Variants in ARL8B observed in about 807,000 individuals in gnomAD.
ARL8B encodes ARF like GTPase 8B.
ARL8B carries 9 observed loss-of-function variants against 30.6 expected under a neutral mutation model. The observed-to-expected ratio is 0.29, with a 90% confidence interval of 0.18 to 0.51. The LOEUF (loss-of-function observed/expected upper bound fraction) is 0.51, where lower values mean the gene tolerates loss of function less well. Ranked by LOEUF, ARL8B falls within the 20% of genes least tolerant of loss-of-function variation. The probability of loss-of-function intolerance (pLI) is 0.97; values close to 1 mark genes in which losing one functional copy is unlikely to be tolerated. For synonymous variants in ARL8B, 74 were observed against 76.0 expected (o/e 0.97, Z 0.14); for missense variants, 130 against 227.2 (o/e 0.57, Z 2.75).
At chr3:5,149,064 C>T (rs1355514334) in intron 1 of ARL8B, among the ~76,000 whole-genome samples, 1 of 152,228 alleles carries the variant, frequency 6.6e-6, no homozygotes, top group African/African-American at 2.4e-5. Flanking sequence ...CGCAGGAGAA[C>T]GGAACCGTGG....
chr3:5,162,028 A>G (rs1283131649), intron 1 of ARL8B, among the ~76,000 whole-genome samples: 2 of 152,224 alleles, frequency 1.3e-5, no homozygotes, highest in Admixed American at 6.5e-5. Flanking sequence ...GAACAGCAAT[A>G]GGTGTTTGTA....
At chr3:5,132,219 C>T (rs796207483) in intron 1 of ARL8B, among the ~76,000 whole-genome samples, 1 of 151,944 alleles carries the variant, frequency 6.6e-6, no homozygotes, top group African/African-American at 2.4e-5. Flanking sequence ...TAGGTATTGC[C>T]CTAAGTTAGG....
At chr3:5,133,483 CAG>C (rs1300101022) in intron 1 of ARL8B, among the ~76,000 whole-genome samples, 1 of 152,074 alleles carries the variant, frequency 6.6e-6, no homozygotes, top group Non-Finnish European at 1.5e-5. Flanking sequence ...GCAATTAAGT[CAG>C]AGGTACAGGA....
At chr3:5,170,411 T>C (rs543435424) in intron 1 of ARL8B, 92 bp from the exon 2 acceptor site, 1 of 755,616 alleles carries the variant, frequency 1.3e-6, no homozygotes, top group African/African-American at 1.8e-5. Context: ...AAATATTTAC[T>C]AAAATGGTTA....
chr3:5,135,432 A>G (rs2054315841), intron 1 of ARL8B, among the ~76,000 whole-genome samples: 1 of 151,410 alleles, frequency 6.6e-6, no homozygotes, highest in Non-Finnish European at 1.5e-5. Context: ...GGTGTGAGCC[A>G]TTGTTCCTGG....
At chr3:5,141,412 G>A (rs1016624632) in intron 1 of ARL8B, among the ~76,000 whole-genome samples, 13 of 152,130 alleles carry the variant, frequency 8.5e-5, no homozygotes, top group African/African-American at 3.1e-4. Context: ...GTTTCTAATA[G>A]TAGCAGGTTA....
In ARL8B at chr3:5,155,037, A is replaced by G. The variant is rs560602144; in HGVS notation, c.124-15466A>G. Among the ~76,000 whole-genome samples the G allele has an allele frequency of 1.8e-4, 28 of 152,324 alleles. No individual in the cohort carries two copies. In the South Asian group the frequency reaches 5.6e-3, roughly 30 times the overall value. On this transcript the variant is annotated intron_variant, in intron 1 of 6. Coordinates refer to ENST00000256496, the MANE Select transcript of ARL8B (RefSeq NM_018184.3). ...GGCCTGAGCTCCTGGGCTTGGCCCA[A>G]GTTACTATCCTTTCATTTCAACCTG...
At chr3:5,174,438 G>A in intron 6 of ARL8B, 24 bp downstream of exon 6, 1 of 1,424,152 alleles carries the variant, frequency 7.0e-7, no homozygotes, top group Non-Finnish European at 9.9e-7. Context: ...GGTAATTTTG[G>A]AAGAAATGGG....
At chr3:5,123,052 T>C (rs971828967) in intron 1 of ARL8B, among the ~76,000 whole-genome samples, 4 of 152,126 alleles carry the variant, frequency 2.6e-5, no homozygotes, top group South Asian at 2.1e-4. Flanking sequence ...TTTGGACCAA[T>C]AGACCCATTG....
At chr3:5,134,643 A>G (rs184513237) in intron 1 of ARL8B, among the ~76,000 whole-genome samples, 1 of 152,304 alleles carries the variant, frequency 6.6e-6, no homozygotes, top group East Asian at 1.9e-4. Context: ...TACTCAGATT[A>G]CATTACTGAT....
At chr3:5,161,322 C>T (rs1265954157) in intron 1 of ARL8B, among the ~76,000 whole-genome samples, 1 of 152,142 alleles carries the variant, frequency 6.6e-6, no homozygotes, top group Non-Finnish European at 1.5e-5. Flanking sequence ...AACAAAAACC[C>T]AGCAATATTA....
In ARL8B at chr3:5,172,175, G is replaced by A. The variant is rs2054682516; in HGVS notation, c.230G>A (p.Arg77Gln). ...ATCTGGGACATAGGAGGACAACCCC[G>A]ATTTCGAAGCATGTGGGAGCGGTAT... ...IKIWDIGGQP[R>Q]FRSMWERYCR... Residue 77 changes from arginine (R) to glutamine (Q), a missense_variant, in exon 3 of 7, where the codon CGA (arginine) becomes CAA (glutamine). By Grantham distance (43) the Arg-to-Gln change is conservative (BLOSUM62 1). Transcript: ENST00000256496. 1.2e-6 allele frequency: 2 copies of A among 1,613,622 alleles called. No homozygotes were observed. Among genetic ancestry groups the A allele is most frequent in the Non-Finnish European group, 1.7e-6 (2 of 1,179,726 alleles).
At chr3:5,141,148 C>G (rs541318141) in intron 1 of ARL8B, among the ~76,000 whole-genome samples, 5 of 152,272 alleles carry the variant, frequency 3.3e-5, no homozygotes, top group Non-Finnish European at 7.4e-5. Context: ...AGGGGCTGAC[C>G]CCTCCTCTAC....
chr3:5,141,539 TGA>T (rs1165438461), intron 1 of ARL8B, among the ~76,000 whole-genome samples: 4 of 152,224 alleles, frequency 2.6e-5, no homozygotes, highest in Non-Finnish European at 5.9e-5. Flanking sequence ...GCTACAATTA[TGA>T]GAGATGTAAG....
At chr3:5,149,851 A>C (rs2054463931) in intron 1 of ARL8B, among the ~76,000 whole-genome samples, 1 of 152,202 alleles carries the variant, frequency 6.6e-6, no homozygotes, top group Admixed American at 6.5e-5. Flanking sequence ...TGGTTGGACA[A>C]ACTTGACAAT....
At chr3:5,173,893 A>G (rs1051294063) in intron 4 of ARL8B, 124 bp from the exon 5 acceptor site, 1 of 766,880 alleles carries the variant, frequency 1.3e-6, no homozygotes, top group Admixed American at 2.1e-5. Flanking sequence ...CAGTTACACA[A>G]ATAGGCCTTA....
At chr3:5,124,374 G>A (rs921886408) in intron 1 of ARL8B, among the ~76,000 whole-genome samples, 8 of 149,478 alleles carry the variant, frequency 5.4e-5, no homozygotes, top group African/African-American at 2.0e-4. Flanking sequence ...CCAAAGTGCT[G>A]GCATTACAGG....
chr3:5,133,376 G>A (rs1208235055), intron 1 of ARL8B, among the ~76,000 whole-genome samples: 2 of 152,174 alleles, frequency 1.3e-5, no homozygotes, highest in Admixed American at 6.5e-5. Flanking sequence ...TTGGTTACAA[G>A]GTTATTACAG....
At chr3:5,166,922 A>G (rs1430389411) in intron 1 of ARL8B, among the ~76,000 whole-genome samples, 1 of 152,170 alleles carries the variant, frequency 6.6e-6, no homozygotes, top group East Asian at 1.9e-4. Context: ...CTCCTTGCTT[A>G]CCTGTATTTT....
Sources: allele counts gnomAD v4.1 joint callset (sites outside exome capture counted in the v4.1 genomes callset), GRCh38; gene constraint gnomAD v4.1.1; transcripts MANE v1.5; gene names NCBI Gene and HGNC (gene_info 2026-07-23, HGNC 2026-07-21).